The following SPOCK3 variants were observed in gnomAD, a reference collection of about 807,000 sequenced individuals.
SPOCK3 encodes the protein testican-3.
In SPOCK3, 30 loss-of-function variants were observed where a neutral mutation model predicts 56.6. That is an observed-to-expected ratio of 0.53 (90% CI 0.40 to 0.72). The LOEUF is 0.72. SPOCK3 is among the 30% of genes least tolerant of loss of function. The probability of loss-of-function intolerance (pLI) is 0.00; values close to 1 mark genes in which losing one functional copy is unlikely to be tolerated. For missense variants in SPOCK3, 527 were observed against 530.0 expected (o/e 0.99, Z 0.06); for synonymous variants, 196 against 183.3 (o/e 1.07, Z -0.56).
At chr4:166,813,868 C>A (rs935369530) in intron 6 of SPOCK3, among the ~76,000 whole-genome samples, 2 of 151,944 alleles carry the variant, frequency 1.3e-5, no homozygotes, top group African/African-American at 4.8e-5. Flanking sequence ...TGAATAGAAT[C>A]TAATTTGAGG....
chr4:166,873,038 C>T (rs187822875), intron 6 of SPOCK3, among the ~76,000 whole-genome samples: 131 of 152,202 alleles, frequency 8.6e-4, no homozygotes, highest in Non-Finnish European at 1.6e-3. Context: ...TCACGCCTTT[C>T]GGAGGGCATT....
At chr4:167,119,091 A>C (rs1761656946) in intron 2 of SPOCK3, among the ~76,000 whole-genome samples, 1 of 143,706 alleles carries the variant, frequency 7.0e-6, no homozygotes, top group African/African-American at 2.5e-5. Context: ...TGTAATATAC[A>C]AAAGCTAGCT....
At chr4:167,058,064 G>C (rs1464786452) in intron 3 of SPOCK3, among the ~76,000 whole-genome samples, 1 of 152,130 alleles carries the variant, frequency 6.6e-6, no homozygotes, top group Non-Finnish European at 1.5e-5. Context: ...AAATGTAAAA[G>C]ATCGGAATTT....
chr4:166,894,388 A>G (rs1374065459), intron 5 of SPOCK3, among the ~76,000 whole-genome samples: 1 of 152,126 alleles, frequency 6.6e-6, no homozygotes, highest in African/African-American at 2.4e-5. Context: ...AGATGTGAGC[A>G]TAGGTGCTCC....
At chr4:166,792,999 T>C (rs1363118271) in intron 6 of SPOCK3, among the ~76,000 whole-genome samples, 2 of 152,120 alleles carry the variant, frequency 1.3e-5, no homozygotes, top group African/African-American at 4.8e-5. Context: ...CAATAAGCAA[T>C]TAGCAGAATA....
intron 6 of SPOCK3, among the ~76,000 whole-genome samples, chr4:166,880,324 C>T (rs969441535): frequency 4.6e-5 from 7 of 152,144 alleles, no homozygotes; most frequent in Admixed American, 1.3e-4. Context: ...GCTTCTGGTA[C>T]ACTGTTCTCT....
rs114873673 is a variant in SPOCK3 at position 167,077,413 on chromosome 4, G to A, written c.190-14876C>T. Among the ~76,000 whole-genome samples, 1,003 of 151,878 alleles carry A rather than the reference G, an allele frequency of 6.6e-3. 13 individuals carry two copies. Among genetic ancestry groups the A allele is most frequent in the African/African-American group, 0.023 (950 of 41,504 alleles). The stretch of plus-strand genomic sequence containing the variant: ...GTGTAGAAATGAAACTCAAGGAAAT[G>A]CACAAGATGTTCTTATCTAATTGCA... On this transcript the variant is annotated intron_variant, in intron 2 of 10. Coordinates refer to ENST00000357545, the MANE Select transcript of SPOCK3 (RefSeq NM_001040159.2).
In SPOCK3 at chr4:167,230,850, A is replaced by C. The variant is rs185164201; in HGVS notation, c.189+3135T>G. On this transcript the variant is annotated intron_variant, in intron 2 of 10. Transcript: ENST00000357545. ...CCTTCAAAAGGACAACAAAGGTAAC[A>C]AACTTTATTCAACAGACATTGCTAG... 2.0e-5 allele frequency among the ~76,000 whole-genome samples: 3 copies of C among 152,282 alleles called. No individual in the cohort carries two copies. In the East Asian group the frequency reaches 5.8e-4, roughly 29 times the overall value.
At chr4:166,898,407 G>C (rs992835142) in intron 5 of SPOCK3, among the ~76,000 whole-genome samples, 7 of 152,012 alleles carry the variant, frequency 4.6e-5, no homozygotes, top group Non-Finnish European at 1.0e-4. Flanking sequence ...TTTGCGATAG[G>C]GGGTGATACA....
At chr4:167,130,969 T>C (rs990499132) in intron 2 of SPOCK3, among the ~76,000 whole-genome samples, 15 of 152,202 alleles carry the variant, frequency 9.9e-5, no homozygotes, top group African/African-American at 3.1e-4. Context: ...AGCAATTATA[T>C]TGATGTTAGG....
At chr4:167,127,687 G>A (rs1470358862) in intron 2 of SPOCK3, among the ~76,000 whole-genome samples, 1 of 152,092 alleles carries the variant, frequency 6.6e-6, no homozygotes, top group Non-Finnish European at 1.5e-5. Context: ...CTCGGCCTCC[G>A]AAAGTGCTGG....
chr4:167,074,373 C>T (rs560832755), intron 2 of SPOCK3, among the ~76,000 whole-genome samples: 1 of 151,858 alleles, frequency 6.6e-6, no homozygotes, highest in Admixed American at 6.6e-5. Flanking sequence ...AGGTGTCAAC[C>T]AAGGCTGCCT....
At chr4:166,848,894 T>C (rs1376173616) in intron 6 of SPOCK3, among the ~76,000 whole-genome samples, 1 of 152,218 alleles carries the variant, frequency 6.6e-6, no homozygotes, top group Non-Finnish European at 1.5e-5. Context: ...TGTTTACTAC[T>C]TTATTCTAAC....
At chr4:167,070,828 G>A (rs1241590315) in intron 2 of SPOCK3, among the ~76,000 whole-genome samples, 2 of 151,868 alleles carry the variant, frequency 1.3e-5, no homozygotes, top group Non-Finnish European at 1.5e-5. Context: ...ATTAGGTAAA[G>A]CTTTGTCTGG....
At chr4:166,977,825 A>C (rs1267232258) in intron 4 of SPOCK3, among the ~76,000 whole-genome samples, 1 of 152,156 alleles carries the variant, frequency 6.6e-6, no homozygotes. Flanking sequence ...CTTCTCTTTT[A>C]AGAAGAAAGA....
intron 4 of SPOCK3, among the ~76,000 whole-genome samples, chr4:166,931,342 G>GC (rs1297772220): frequency 6.7e-6 from 1 of 150,046 alleles, no homozygotes; most frequent in Non-Finnish European, 1.5e-5. Context: ...GGGGGTGGGG[G>GC]GGCAAGAAAA....
At chr4:167,103,776 C>A (rs564407951) in intron 2 of SPOCK3, among the ~76,000 whole-genome samples, 1 of 152,182 alleles carries the variant, frequency 6.6e-6, no homozygotes, top group East Asian at 1.9e-4. Flanking sequence ...TTACCATGGG[C>A]CTTTGGTGAG....
intron 2 of SPOCK3, among the ~76,000 whole-genome samples, chr4:167,139,353 C>T (rs1428335283): frequency 6.6e-6 from 1 of 151,416 alleles, no homozygotes. Context: ...AAGAAATATA[C>T]AAAAAAAATG....
intron 2 of SPOCK3, among the ~76,000 whole-genome samples, chr4:167,202,109 ACTGTTAGTACTAC>A (rs1218014046): frequency 2.0e-5 from 3 of 151,954 alleles, no homozygotes; most frequent in Non-Finnish European, 2.9e-5. Flanking sequence ...TTTTAAAACC[ACTGTTAGTACTAC>A]CTGCTTCACC....
Sources: allele counts gnomAD v4.1 joint callset (sites outside exome capture counted in the v4.1 genomes callset), GRCh38; gene constraint gnomAD v4.1.1; transcripts MANE v1.5; gene names NCBI Gene and HGNC (gene_info 2026-07-23, HGNC 2026-07-21).